Variants in TBC1D5 observed in about 807,000 individuals in gnomAD.
TBC1D5 encodes the protein TBC1 domain family, member 5.
In TBC1D5, 75 loss-of-function variants were observed where a neutral mutation model predicts 100.3. The observed-to-expected ratio is 0.75, with a 90% CI of 0.62 to 0.91. The LOEUF (loss-of-function observed/expected upper bound fraction) is 0.91. Among genes scored for constraint, TBC1D5 ranks in the 40% least tolerant of loss-of-function variants. The pLI is 0.00. For synonymous variants in TBC1D5, 323 were observed against 325.6 expected (o/e 0.99, Z 0.09); for missense variants, 910 against 942.4 (o/e 0.97, Z 0.45).
chr3:17,494,189 C>T (rs1576347343), intron 3 of TBC1D5, among the ~76,000 whole-genome samples: 1 of 152,138 alleles, frequency 6.6e-6, no homozygotes, highest in East Asian at 1.9e-4. Flanking sequence ...TGCTTGGGGT[C>T]CACCTGAGAC....
chr3:17,308,167 A>C, intron 13 of TBC1D5, 33 bp from the exon 14 acceptor site: 1 of 1,549,880 alleles, frequency 6.5e-7, no homozygotes, highest in Non-Finnish European at 8.6e-7. Context: ...TTCAGAAGAC[A>C]GTACTTTTGA....
chr3:17,260,649 TGG>T (rs1325271845), intron 15 of TBC1D5, among the ~76,000 whole-genome samples: 2 of 152,192 alleles, frequency 1.3e-5, no homozygotes, highest in Non-Finnish European at 2.9e-5. Flanking sequence ...TCTTTTCTGT[TGG>T]GAAGACAGTG....
intron 19 of TBC1D5, among the ~76,000 whole-genome samples, chr3:17,176,112 C>T (rs1324108792): frequency 6.6e-6 from 1 of 152,196 alleles, no homozygotes; most frequent in Non-Finnish European, 1.5e-5. Flanking sequence ...GGGACTGAAT[C>T]CTGCCTGGTT....
At chr3:17,173,249 C>T (rs1490467928) in intron 19 of TBC1D5, among the ~76,000 whole-genome samples, 1 of 152,184 alleles carries the variant, frequency 6.6e-6, no homozygotes, top group Non-Finnish European at 1.5e-5. Flanking sequence ...ATCTTTCAGA[C>T]TCCTGAGCTT....
At chr3:17,518,946 C>T (rs2096028035) in intron 2 of TBC1D5, 1 of 152,320 alleles carries the variant, frequency 6.6e-6, no homozygotes, top group Non-Finnish European at 1.5e-5. Flanking sequence ...ACAGCCCATT[C>T]CAGCACTTGT....
chr3:17,705,351 C>G lies in TBC1D5; in HGVS notation c.-101+33992G>C, dbSNP rs1479887636. Among the ~76,000 whole-genome samples, 4 of 123,264 alleles carry G rather than the reference C, an allele frequency of 3.2e-5. 1 individual carries two copies. The highest frequency in any genetic ancestry group is 1.1e-4 in the African/African-American group (4 of 34,852). The allele number at this position is 123,264 out of a possible 152,430, so 80.9% of individuals were successfully genotyped here. On this transcript the variant is annotated intron_variant, in intron 1 of 21. Transcript: ENST00000253692. ...GGCTGGCCGGGCTGGGGGCTGACCC[C>G]CCCCCACCTCCCTCCCGGACGGGGT...
chr3:17,447,518 T>A (rs976331634), intron 3 of TBC1D5, among the ~76,000 whole-genome samples: 2 of 152,152 alleles, frequency 1.3e-5, no homozygotes, highest in Non-Finnish European at 2.9e-5. Flanking sequence ...AAGATACAGA[T>A]GTAGTTGCAG....
At chr3:17,661,908 T>TA (rs1208412498) in intron 1 of TBC1D5, among the ~76,000 whole-genome samples, 22 of 152,108 alleles carry the variant, frequency 1.4e-4, no homozygotes, top group African/African-American at 5.3e-4. Context: ...CCTTTTTTTT[T>TA]AAGACAGGGT....
intron 1 of TBC1D5, among the ~76,000 whole-genome samples, chr3:17,679,399 C>T (rs550019915): frequency 9.9e-5 from 15 of 151,334 alleles, no homozygotes; most frequent in East Asian, 1.9e-4. Context: ...ACAATTTTAA[C>T]GCATTTATTA....
chr3:17,251,969 CACAGA>C (rs1414150488), intron 16 of TBC1D5, among the ~76,000 whole-genome samples: 1 of 152,180 alleles, frequency 6.6e-6, no homozygotes, highest in African/African-American at 2.4e-5. Context: ...ATTGAATAGT[CACAGA>C]ACAGAACTTC....
At chr3:17,412,489 G>A (rs542573158) in intron 4 of TBC1D5, among the ~76,000 whole-genome samples, 162 of 152,188 alleles carry the variant, frequency 1.1e-3, no homozygotes, top group African/African-American at 3.8e-3. Context: ...AATATGAATG[G>A]TAGGCCTGCT....
intron 15 of TBC1D5, among the ~76,000 whole-genome samples, chr3:17,289,328 G>C (rs2081482859): frequency 6.6e-6 from 1 of 152,138 alleles, no homozygotes; most frequent in Non-Finnish European, 1.5e-5. Flanking sequence ...TCCTGCGGCA[G>C]GCCCAGGGCT....
chr3:17,596,542 A>G (rs1238999483), intron 2 of TBC1D5, among the ~76,000 whole-genome samples: 1 of 147,592 alleles, frequency 6.8e-6, no homozygotes, highest in Non-Finnish European at 1.5e-5. Flanking sequence ...CTGGTCTTGA[A>G]CTCCTGACCT....
intron 15 of TBC1D5, among the ~76,000 whole-genome samples, chr3:17,272,215 T>C (rs948630558): frequency 2.0e-5 from 3 of 152,224 alleles, no homozygotes; most frequent in Admixed American, 2.0e-4. Context: ...TGATTATTGA[T>C]ATCTAGAATC....
chr3:17,373,693 G>A (rs978517200), intron 12 of TBC1D5, among the ~76,000 whole-genome samples: 5 of 152,056 alleles, frequency 3.3e-5, no homozygotes. Flanking sequence ...AGAAATACTG[G>A]TACATGCCAC....
intron 1 of TBC1D5, among the ~76,000 whole-genome samples, chr3:17,724,105 T>C (rs1462955917): frequency 1.4e-5 from 2 of 142,578 alleles, no homozygotes; most frequent in Non-Finnish European, 3.0e-5. Flanking sequence ...TGAGACAAAC[T>C]CTCACTCTGT....
At chr3:17,699,119 A>G (rs2072682454) in intron 1 of TBC1D5, among the ~76,000 whole-genome samples, 1 of 146,214 alleles carries the variant, frequency 6.8e-6, no homozygotes, top group Non-Finnish European at 1.5e-5. Flanking sequence ...CATTATTCAC[A>G]ATAGCAAAGA....
At chr3:17,537,957 G>A (rs2096300765) in intron 2 of TBC1D5, among the ~76,000 whole-genome samples, 1 of 152,166 alleles carries the variant, frequency 6.6e-6, no homozygotes, top group African/African-American at 2.4e-5. Context: ...TCAGGCTACA[G>A]CTCAGTTTTA....
intron 18 of TBC1D5, among the ~76,000 whole-genome samples, chr3:17,194,535 T>C (rs180764080): frequency 6.6e-6 from 1 of 152,246 alleles, no homozygotes; most frequent in Non-Finnish European, 1.5e-5. Flanking sequence ...ATTAATTTTA[T>C]TGGATTATGC....
Sources: allele counts gnomAD v4.1 joint callset (sites outside exome capture counted in the v4.1 genomes callset), GRCh38; gene constraint gnomAD v4.1.1; transcripts MANE v1.5; gene names NCBI Gene and HGNC (gene_info 2026-07-23, HGNC 2026-07-21).